The following BCAS2 variants were observed in gnomAD, a reference collection of about 807,000 sequenced individuals.
BCAS2 encodes pre-mRNA-splicing factor SPF27.
BCAS2 carries 34 observed loss-of-function variants against 35.3 expected under a neutral mutation model. The ratio of observed to expected loss-of-function variants is 0.96; its 90% CI spans 0.73 to 1.28. The LOEUF (loss-of-function observed/expected upper bound fraction) is 1.28, where lower values mean the gene tolerates loss of function less well. Ranked by LOEUF, BCAS2 falls within the 50% of genes most tolerant of loss-of-function variation. BCAS2 has a pLI of 0.00. For missense variants in BCAS2, 221 were observed against 268.1 expected (o/e 0.82, Z 1.23); for synonymous variants, 75 against 91.6 (o/e 0.82, Z 1.03).
At chr1:114,578,036 C>G (rs1176224722) in intron 2 of BCAS2, among the ~76,000 whole-genome samples, 2 of 151,896 alleles carry the variant, frequency 1.3e-5, no homozygotes, top group Non-Finnish European at 2.9e-5. Flanking sequence ...ACTAAAAATA[C>G]AAAAATTAGC....
At position 114,581,298 on chromosome 1, in the gene BCAS2, C is replaced by T. The variant is rs113879535; in HGVS notation, c.186+1G>A. On this transcript the variant is annotated splice_donor_variant, in intron 2 of 6. Transcript: ENST00000369541. LOFTEE classifies it high-confidence loss of function. ...CACACCTAGGCTCAAGACATACTTA[C>T]TTCAAAGGCAGAATAATCCGGGGCT... 2 of 1,614,086 alleles carry T rather than the reference C, an allele frequency of 1.2e-6. No homozygotes were observed. Among genetic ancestry groups the T allele is most frequent in the Non-Finnish European group, 1.7e-6 (2 of 1,179,940 alleles).
intron 4 of BCAS2, among the ~76,000 whole-genome samples, chr1:114,573,565 A>T (rs1654695011): frequency 6.6e-6 from 1 of 152,208 alleles, no homozygotes; most frequent in Non-Finnish European, 1.5e-5. Context: ...TACAGACCAC[A>T]GCACACAATG....
chr1:114,576,431 T>TTTAGTA (rs555958966), intron 3 of BCAS2, among the ~76,000 whole-genome samples: 1 of 147,004 alleles, frequency 6.8e-6, no homozygotes, highest in Non-Finnish European at 1.5e-5. Context: ...CCCAGGTACG[T>TTTAGTA]TTATTATTAT....
intron 4 of BCAS2, among the ~76,000 whole-genome samples, chr1:114,574,521 C>A (rs919463048): frequency 1.9e-4 from 29 of 152,300 alleles, no homozygotes; most frequent in Admixed American, 9.8e-4. Flanking sequence ...TATGTGTGCA[C>A]ATGAATATGT....
chr1:114,575,337 G>A (rs1482897843), intron 4 of BCAS2, among the ~76,000 whole-genome samples: 3 of 148,624 alleles, frequency 2.0e-5, no homozygotes, highest in Admixed American at 6.7e-5. Flanking sequence ...ACAGGCACAC[G>A]TTACCATGCC....
intron 4 of BCAS2, among the ~76,000 whole-genome samples, chr1:114,573,158 C>T (rs961963164): frequency 7.5e-6 from 1 of 133,768 alleles, no homozygotes; most frequent in African/African-American, 2.9e-5. Context: ...AAAACTTGGC[C>T]TCTACCTTGC....
At chr1:114,580,109 T>C (rs1654851982) in intron 2 of BCAS2, among the ~76,000 whole-genome samples, 1 of 151,936 alleles carries the variant, frequency 6.6e-6, no homozygotes, top group Non-Finnish European at 1.5e-5. Context: ...AACTTTTTAA[T>C]TTTTCTTTTG....
chr1:114,571,990 ATC>A (rs1447120683), intron 4 of BCAS2, among the ~76,000 whole-genome samples: 1 of 152,202 alleles, frequency 6.6e-6, no homozygotes, highest in African/African-American at 2.4e-5. Flanking sequence ...ACAGATTTTA[ATC>A]TCTTTTTTAA....
At chr1:114,573,077 T>C (rs904276652) in intron 4 of BCAS2, among the ~76,000 whole-genome samples, 2 of 137,184 alleles carry the variant, frequency 1.5e-5, no homozygotes, top group East Asian at 4.4e-4. Context: ...GCAATCTAGC[T>C]TGGGCGACAG....
intron 4 of BCAS2, among the ~76,000 whole-genome samples, chr1:114,571,432 G>A (rs1347386524): frequency 6.6e-6 from 1 of 151,968 alleles, no homozygotes; most frequent in East Asian, 1.9e-4. Context: ...GTGCAATCAT[G>A]GCAGCCTCAA....
chr1:114,577,360 AATTT>A (rs537898394), intron 2 of BCAS2, among the ~76,000 whole-genome samples: 1 of 146,892 alleles, frequency 6.8e-6, no homozygotes, highest in East Asian at 1.9e-4. Context: ...TCCAAGAAAT[AATTT>A]ATTTATTTAT....
At chr1:114,569,512 T>G (rs917806485) in intron 6 of BCAS2, among the ~76,000 whole-genome samples, 30 of 152,148 alleles carry the variant, frequency 2.0e-4, no homozygotes, top group African/African-American at 6.3e-4. Context: ...TTTTCCTTTT[T>G]TTTTTTTTAA....
intron 4 of BCAS2, 128 bp from the exon 5 acceptor site, chr1:114,570,878 C>T (rs1186636361): frequency 1.0e-5 from 7 of 690,278 alleles, no homozygotes; most frequent in Non-Finnish European, 1.5e-5. Flanking sequence ...GTTGGACACT[C>T]CATAATCGAG....
rs1046045286 is a variant in BCAS2, at chr1:114,581,610, G to C, written c.-19C>G. ...CCGCCATTCTGAGGACCTCAGGTTT[G>C]CCTGCGTTTTCTGCGTCTGCGTAAA... On this transcript the variant is annotated 5_prime_UTR_variant, in exon 1 of 7. Coordinates refer to ENST00000369541, the MANE Select transcript of BCAS2 (RefSeq NM_005872.3). 6.2e-7 allele frequency: 1 copy of C among 1,612,404 alleles called. No homozygotes were observed. Among genetic ancestry groups the C allele is most frequent in the East Asian group, 2.2e-5 (1 of 44,860 alleles).
At chr1:114,574,881 G>GT (rs899315536) in intron 4 of BCAS2, among the ~76,000 whole-genome samples, 1 of 151,864 alleles carries the variant, frequency 6.6e-6, no homozygotes, top group African/African-American at 2.4e-5. Context: ...TTTTTTGTTT[G>GT]TTTTTTGAGA....
intron 3 of BCAS2, 120 bp from the exon 4 acceptor site, chr1:114,575,871 T>C: frequency 9.1e-7 from 1 of 1,099,122 alleles, no homozygotes; most frequent in East Asian, 2.8e-5. Flanking sequence ...ACTAAGGATG[T>C]AAACCTTGCA....
intron 2 of BCAS2, among the ~76,000 whole-genome samples, chr1:114,580,030 C>T (rs1654850153): frequency 6.6e-6 from 1 of 151,500 alleles, no homozygotes; most frequent in Admixed American, 6.6e-5. Context: ...AACTCCCAGG[C>T]TCAAGTGATC....
chr1:114,581,222 C>G, intron 2 of BCAS2, 77 bp downstream of exon 2: 1 of 1,473,912 alleles, frequency 6.8e-7, no homozygotes. Flanking sequence ...ATGGTTAAAA[C>G]TGGAATTTAA....
chr1:114,576,902 C>T (rs1295962977), intron 2 of BCAS2, 144 bp from the exon 3 acceptor site: 3 of 607,626 alleles, frequency 4.9e-6, no homozygotes, highest in Non-Finnish European at 8.6e-6. Flanking sequence ...TAAATGCTCT[C>T]TAGAATCTGA....
Sources: allele counts gnomAD v4.1 joint callset (sites outside exome capture counted in the v4.1 genomes callset), GRCh38; gene constraint gnomAD v4.1.1; transcripts MANE v1.5; gene names NCBI Gene and HGNC (gene_info 2026-07-23, HGNC 2026-07-21).